The following OSBPL6 variants were observed in gnomAD, a reference collection of about 807,000 sequenced individuals.
The protein encoded by OSBPL6 is oxysterol-binding protein-related protein 6.
A neutral mutation model predicts 125.8 loss-of-function variants in OSBPL6; 49 were observed. The ratio of observed to expected loss-of-function variants is 0.39; its 90% CI spans 0.31 to 0.49. The LOEUF is 0.49. Among genes scored for constraint, OSBPL6 ranks in the 20% least tolerant of loss-of-function variants. The probability of loss-of-function intolerance (pLI) is 0.88; values close to 1 mark genes in which losing one functional copy is unlikely to be tolerated. For missense variants in OSBPL6, 986 were observed against 1,135.4 expected, an observed-to-expected ratio of 0.87 and a Z score of 1.89; for synonymous variants, 394 against 391.8, an observed-to-expected ratio of 1.01 and a Z score of -0.07.
chr2:178,319,099 T>C (rs1354044401), intron 3 of OSBPL6, among the ~76,000 whole-genome samples: 3 of 152,204 alleles, frequency 2.0e-5, no homozygotes, highest in Admixed American at 2.0e-4. Context: ...TGAGGGTTGG[T>C]ATGCTGGTCT....
intron 10 of OSBPL6, among the ~76,000 whole-genome samples, chr2:178,339,315 A>T (rs190464495): frequency 1.3e-5 from 2 of 152,332 alleles, no homozygotes; most frequent in East Asian, 3.8e-4. Context: ...ACTAACCAAA[A>T]GAAATACATT....
At chr2:178,380,930 T>C (rs1396685506) in intron 15 of OSBPL6, among the ~76,000 whole-genome samples, 1 of 152,220 alleles carries the variant, frequency 6.6e-6, no homozygotes, top group African/African-American at 2.4e-5. Context: ...GTCAATATGT[T>C]TGTACAGTCA....
At chr2:178,251,815 C>T (rs1303803855) in intron 1 of OSBPL6, among the ~76,000 whole-genome samples, 1 of 152,220 alleles carries the variant, frequency 6.6e-6, no homozygotes, top group African/African-American at 2.4e-5. Flanking sequence ...GCATTTTCAT[C>T]AGACTACAAA....
chr2:178,236,962 G>A (rs1490237374), intron 1 of OSBPL6, among the ~76,000 whole-genome samples: 2 of 152,156 alleles, frequency 1.3e-5, no homozygotes, highest in Non-Finnish European at 2.9e-5. Context: ...TGGACCTCAA[G>A]TAGGCTAATT....
At chr2:178,293,971 A>G (rs1381792511) in intron 2 of OSBPL6, among the ~76,000 whole-genome samples, 1 of 152,196 alleles carries the variant, frequency 6.6e-6, no homozygotes, top group Non-Finnish European at 1.5e-5. Context: ...ATTTAAATAT[A>G]AAAAGTAAAA....
At chr2:178,368,755 T>A (rs966797828) in intron 13 of OSBPL6, among the ~76,000 whole-genome samples, 10 of 151,934 alleles carry the variant, frequency 6.6e-5, no homozygotes, top group Admixed American at 1.3e-4. Context: ...TGTAAAAAAA[T>A]TAACAAATAA....
At chr2:178,323,570 C>T (rs1463260707) in intron 3 of OSBPL6, 1 of 152,348 alleles carries the variant, frequency 6.6e-6, no homozygotes, top group Non-Finnish European at 1.5e-5. Flanking sequence ...TCAAGCGATT[C>T]TCTTGCTTCA....
At chr2:178,252,128 G>T (rs1163095338) in intron 1 of OSBPL6, among the ~76,000 whole-genome samples, 1 of 63,520 alleles carries the variant, frequency 1.6e-5, no homozygotes, top group Non-Finnish European at 3.1e-5. Flanking sequence ...TTGCCAAAAA[G>T]GTATAAAAAC....
chr2:178,252,735 C>A (rs529188692), intron 1 of OSBPL6, among the ~76,000 whole-genome samples: 1 of 152,268 alleles, frequency 6.6e-6, no homozygotes, highest in African/African-American at 2.4e-5. Context: ...AATGCTAATA[C>A]TTCTAGACTG....
chr2:178,344,278 A>T (rs1262937411), intron 11 of OSBPL6: 2 of 1,612,630 alleles, frequency 1.2e-6, no homozygotes, highest in Non-Finnish European at 1.7e-6. Flanking sequence ...TCTCCCATTC[A>T]CCGTCAGGAA....
chr2:178,400,607 G>A lies in OSBPL6; in HGVS notation c.*5048G>A, dbSNP rs893763618. The A allele has an allele frequency of 6.6e-6, 1 of 152,112 alleles. No individual in the cohort carries two copies. Among genetic ancestry groups the A allele is most frequent in the Non-Finnish European group, 1.5e-5 (1 of 68,034 alleles). 9.4% of individuals were successfully genotyped at this position (152,112 alleles called of 1,614,324 possible). The stretch of plus-strand genomic sequence containing the variant: ...TGGACTCAAGTTCTTTTTAAAGCTT[G>A]ATTAAGGTATAACCGACATATAATA... On this transcript the variant is annotated 3_prime_UTR_variant, in exon 25 of 25. Coordinates refer to ENST00000190611, the MANE Select transcript of OSBPL6 (RefSeq NM_032523.4).
intron 3 of OSBPL6, among the ~76,000 whole-genome samples, chr2:178,311,316 A>C (rs73032529): frequency 1.5e-3 from 233 of 152,052 alleles, no homozygotes; most frequent in African/African-American, 5.4e-3. Flanking sequence ...TCAGTCTCCA[A>C]ATATACCCTC....
intron 1 of OSBPL6, among the ~76,000 whole-genome samples, chr2:178,195,307 G>A (rs2088816187): frequency 6.6e-6 from 1 of 152,220 alleles, no homozygotes; most frequent in African/African-American, 2.4e-5. Flanking sequence ...CCACTCCCCC[G>A]GCCAGGGCCA....
chr2:178,225,178 A>G (rs1440455592), intron 1 of OSBPL6, among the ~76,000 whole-genome samples: 1 of 151,844 alleles, frequency 6.6e-6, no homozygotes, highest in Non-Finnish European at 1.5e-5. Flanking sequence ...TAGCCCTGGG[A>G]TGAAAGCCTC....
chr2:178,378,994 A>G (rs952751541), intron 15 of OSBPL6, among the ~76,000 whole-genome samples: 1 of 151,808 alleles, frequency 6.6e-6, no homozygotes, highest in Admixed American at 6.6e-5. Flanking sequence ...GGGAGCCCCC[A>G]CCTCTACAAA....
At chr2:178,266,601 C>G (rs1229656909) in intron 1 of OSBPL6, among the ~76,000 whole-genome samples, 1 of 152,160 alleles carries the variant, frequency 6.6e-6, no homozygotes, top group East Asian at 1.9e-4. Flanking sequence ...TGCAGGTCAG[C>G]AGGAACATGA....
At chr2:178,368,283 C>T (rs1007775320) in intron 13 of OSBPL6, among the ~76,000 whole-genome samples, 7 of 152,192 alleles carry the variant, frequency 4.6e-5, no homozygotes, top group South Asian at 2.1e-4. Flanking sequence ...GGGGAGGATG[C>T]GCAGAAAGGG....
At chr2:178,380,349 G>A (rs1349118453) in intron 15 of OSBPL6, among the ~76,000 whole-genome samples, 1 of 150,540 alleles carries the variant, frequency 6.6e-6, no homozygotes, top group African/African-American at 2.4e-5. Context: ...TACTTGGGAG[G>A]CTGAGGTAGG....
chr2:178,317,417 C>T (rs910262844), intron 3 of OSBPL6, among the ~76,000 whole-genome samples: 3 of 133,354 alleles, frequency 2.2e-5, no homozygotes, highest in African/African-American at 5.6e-5. Context: ...TTAATTATGT[C>T]GCAGCAGAAA....
Sources: allele counts gnomAD v4.1 joint callset (sites outside exome capture counted in the v4.1 genomes callset), GRCh38; gene constraint gnomAD v4.1.1; transcripts MANE v1.5; gene names NCBI Gene and HGNC (gene_info 2026-07-23, HGNC 2026-07-21).